UBR3: variants seen among roughly 807,000 people sequenced by gnomAD.
UBR3 encodes the protein ubiquitin protein ligase E3 component n-recognin 3, also known as E3 ubiquitin-protein ligase UBR3.
UBR3 carries 85 observed loss-of-function variants against 243.2 expected under a neutral mutation model. The ratio of observed to expected loss-of-function variants is 0.35; its 90% CI spans 0.29 to 0.42. The LOEUF is 0.42. Among genes scored for constraint, UBR3 ranks in the 10% least tolerant of loss-of-function variants. UBR3 has a pLI of 1.00. For synonymous variants in UBR3, 748 were observed against 799.8 expected, an observed-to-expected ratio of 0.94 and a Z score of 1.09; for missense variants, 1,686 against 2,300.8, an observed-to-expected ratio of 0.73 and a Z score of 5.47.
chr2:170,049,782 C>T (rs1574451040), intron 32 of UBR3, among the ~76,000 whole-genome samples: 1 of 152,130 alleles, frequency 6.6e-6, no homozygotes, highest in African/African-American at 2.4e-5. Flanking sequence ...TTACTATCGC[C>T]CTCTCCAGAC....
chr2:169,976,525 G>A (rs2088454501), intron 24 of UBR3, among the ~76,000 whole-genome samples: 1 of 152,032 alleles, frequency 6.6e-6, no homozygotes, highest in Non-Finnish European at 1.5e-5. Flanking sequence ...GCTTTGCTGG[G>A]TGTAGTATTT....
intron 17 of UBR3, among the ~76,000 whole-genome samples, 168 bp downstream of exon 17, chr2:169,927,573 CTGTTTT>C (rs1243694225): frequency 1.1e-4 from 7 of 63,124 alleles, no homozygotes; most frequent in African/African-American, 2.7e-4. Flanking sequence ...AGCCTGGTGA[CTGTTTT>C]TTTTTTTTTT....
intron 1 of UBR3, among the ~76,000 whole-genome samples, chr2:169,852,351 G>A (rs1312289049): frequency 6.6e-6 from 1 of 152,152 alleles, no homozygotes. Flanking sequence ...ACATGCTTTT[G>A]GATCCTTTTG....
chr2:169,897,058 CTATATT>C (rs574068329), intron 8 of UBR3, among the ~76,000 whole-genome samples: 8 of 152,064 alleles, frequency 5.3e-5, no homozygotes, highest in African/African-American at 1.9e-4. Flanking sequence ...TGTGTAATGA[CTATATT>C]TATAGATACA....
intron 35 of UBR3, among the ~76,000 whole-genome samples, chr2:170,069,794 A>G (rs946007544): frequency 3.3e-5 from 5 of 152,044 alleles, no homozygotes; most frequent in Non-Finnish European, 7.4e-5. Flanking sequence ...ACAGTCATCC[A>G]TCGCTATCTG....
At chr2:170,002,990 A>G (rs543209269) in intron 27 of UBR3, among the ~76,000 whole-genome samples, 1 of 152,302 alleles carries the variant, frequency 6.6e-6, no homozygotes, top group African/African-American at 2.4e-5. Context: ...TCTTAAATAC[A>G]GGTCTACTAT....
At chr2:169,841,645 TG>T (rs564096499) in intron 1 of UBR3, among the ~76,000 whole-genome samples, 186 of 152,332 alleles carry the variant, frequency 1.2e-3, no homozygotes, top group Middle Eastern at 6.8e-3. Context: ...CCAGCCCTGC[TG>T]GCCCCGGGCA....
chr2:169,930,199 A>T (rs945090166), intron 18 of UBR3, among the ~76,000 whole-genome samples: 14 of 152,212 alleles, frequency 9.2e-5, no homozygotes, highest in African/African-American at 3.1e-4. Context: ...ATCTGCTATC[A>T]TCAGAATCTC....
chr2:169,936,339 G>A (rs1349924029), intron 19 of UBR3, among the ~76,000 whole-genome samples: 5 of 152,082 alleles, frequency 3.3e-5, no homozygotes, highest in African/African-American at 1.2e-4. Context: ...GATTACAGGC[G>A]TGAACCACCG....
Position 170,082,028 on chromosome 2 carries a change from A to C in UBR3, c.*185A>C. On this transcript the variant is annotated 3_prime_UTR_variant, in exon 39 of 39. Coordinates refer to ENST00000272793, the MANE Select transcript of UBR3 (RefSeq NM_172070.4). ...TTAATGGTATAATTTTTTTTTTTTAATATCTGGAGAACATTAATAACAAGT... is the reference window on the plus strand; with the variant it reads ...TTAATGGTATAATTTTTTTTTTTTACTATCTGGAGAACATTAATAACAAGT... The C allele has an allele frequency of 2.5e-6, 1 of 404,604 alleles. No individual in the cohort carries two copies. Among genetic ancestry groups the C allele is most frequent in the Non-Finnish European group, 4.4e-6 (1 of 226,800 alleles). The allele number at this position is 404,604 out of a possible 1,614,324, so 25.1% of individuals were successfully genotyped here. A position where few individuals can be genotyped will look rare whatever the true frequency, so the allele number is the denominator to read the frequency against.
intron 35 of UBR3, among the ~76,000 whole-genome samples, chr2:170,065,935 C>A (rs2091557909): frequency 6.6e-6 from 1 of 150,558 alleles, no homozygotes; most frequent in Non-Finnish European, 1.5e-5. Flanking sequence ...CCCTACCCCA[C>A]CCCCCGCAAA....
chr2:169,921,604 A>G (rs1054889412), intron 11 of UBR3, among the ~76,000 whole-genome samples: 1 of 152,168 alleles, frequency 6.6e-6, no homozygotes, highest in Admixed American at 6.5e-5. Context: ...CGCAGCTACT[A>G]AACTCTTTAT....
chr2:169,877,338 GC>G (rs1383658338), intron 3 of UBR3, among the ~76,000 whole-genome samples, 155 bp from the exon 4 acceptor site: 1 of 152,142 alleles, frequency 6.6e-6, no homozygotes, highest in African/African-American at 2.4e-5. Context: ...CTAAACATAA[GC>G]ACAAAAGTGT....
At chr2:170,077,375 T>G (rs1367888532) in intron 36 of UBR3, 10 of 1,059,668 alleles carry the variant, frequency 9.4e-6, no homozygotes, top group African/African-American at 1.6e-5. Context: ...ACATCCAAAG[T>G]TATATACATT....
At chr2:170,043,624 T>G (rs58297708) in intron 32 of UBR3, among the ~76,000 whole-genome samples, 6,524 of 152,278 alleles carry the variant, frequency 0.043, 153 homozygotes, top group Middle Eastern at 0.061. Flanking sequence ...ATAAATTCAT[T>G]GCTTGATTCA....
Position 170,033,415 on chromosome 2 carries a change from A to G in UBR3, c.4556+3967A>G, listed in dbSNP as rs192432628. Among the ~76,000 whole-genome samples, 93 of 152,094 alleles carry G rather than the reference A, an allele frequency of 6.1e-4. 2 individuals carry two copies. Among genetic ancestry groups the G allele is most frequent in the Admixed American group, 4.6e-3 (70 of 15,242 alleles). ...GAGGAACCCAAGTTTTAGAAAAGTCAATTAACATGATCTTTAGGCACACAT... is the reference window on the plus strand; with the variant it reads ...GAGGAACCCAAGTTTTAGAAAAGTCGATTAACATGATCTTTAGGCACACAT... On this transcript the variant is annotated intron_variant, in intron 31 of 38. Coordinates refer to ENST00000272793, the MANE Select transcript of UBR3 (RefSeq NM_172070.4).
Position 170,055,516 on chromosome 2 carries a change from G to A in UBR3, c.4717G>A (p.Ala1573Thr). Reference protein sequence around the residue: ...LFTLLYTQALAALSVKCSEED... With the variant: ...LFTLLYTQALTALSVKCSEED... Reference sequence around the variant, plus strand: ...TACCCTACTGTACACACAGGCTCTTGCAGCACTCTCAGTTAAATGCAGCGA... The same window carrying A: ...TACCCTACTGTACACACAGGCTCTTACAGCACTCTCAGTTAAATGCAGCGA... The change falls in exon 33 of 39, where the codon GCA (alanine) becomes ACA (threonine). Residue 1573 changes from alanine to threonine, a missense_variant. Ala to Thr is a moderately conservative substitution (Grantham distance 58). Coordinates refer to ENST00000272793, the MANE Select transcript of UBR3 (RefSeq NM_172070.4). 6.2e-7 allele frequency: 1 copy of A among 1,613,706 alleles called. No homozygotes were observed. Among genetic ancestry groups the A allele is most frequent in the Non-Finnish European group, 8.5e-7 (1 of 1,179,782 alleles).
intron 24 of UBR3, among the ~76,000 whole-genome samples, chr2:169,961,213 G>A (rs1407166922): frequency 1.3e-5 from 2 of 151,898 alleles, no homozygotes; most frequent in Non-Finnish European, 2.9e-5. Context: ...TGGTCCATTT[G>A]TTCTCCAGGC....
intron 10 of UBR3, among the ~76,000 whole-genome samples, chr2:169,910,828 T>G (rs2085224753): frequency 6.6e-6 from 1 of 152,132 alleles, no homozygotes; most frequent in Admixed American, 6.5e-5. Flanking sequence ...GAAAGCAAAT[T>G]TATCTAATTT....
Sources: allele counts gnomAD v4.1 joint callset (sites outside exome capture counted in the v4.1 genomes callset), GRCh38; gene constraint gnomAD v4.1.1; transcripts MANE v1.5; gene names NCBI Gene and HGNC (gene_info 2026-07-23, HGNC 2026-07-21).